Variants in METTL25 observed in about 807,000 individuals in gnomAD.
METTL25 encodes probable methyltransferase-like protein 25.
In METTL25, 64 loss-of-function variants were observed where a neutral mutation model predicts 71.6. The observed-to-expected ratio is 0.89, with a 90% CI of 0.73 to 1.10. METTL25 has a LOEUF of 1.10. Among genes scored for constraint, METTL25 ranks in the 50% least tolerant of loss-of-function variants. The probability of loss-of-function intolerance (pLI) is 0.00; values close to 1 mark genes in which losing one functional copy is unlikely to be tolerated. For missense variants in METTL25, 807 were observed against 707.0 expected, an observed-to-expected ratio of 1.14 and a Z score of -1.60; for synonymous variants, 287 against 250.3, an observed-to-expected ratio of 1.15 and a Z score of -1.38.
chr12:82,459,892 T>C (rs906846673), intron 9 of METTL25: 4 of 152,236 alleles, frequency 2.6e-5, no homozygotes, highest in Non-Finnish European at 4.4e-5. Context: ...ACAGTGATAC[T>C]AATCTTTGGA....
At chr12:82,470,759 T>C (rs2137301117) in intron 9 of METTL25, among the ~76,000 whole-genome samples, 1 of 152,322 alleles carries the variant, frequency 6.6e-6, no homozygotes, top group Non-Finnish European at 1.5e-5. Context: ...CTTTTTCATA[T>C]CTAATGAATT....
intron 1 of METTL25, among the ~76,000 whole-genome samples, chr12:82,371,076 T>G (rs2136856679): frequency 6.6e-6 from 1 of 152,352 alleles, no homozygotes; most frequent in South Asian, 2.1e-4. Context: ...AGTCTCCCAA[T>G]TACAACTGAG....
chr12:82,361,036 A>G (rs1026763169), intron 1 of METTL25, among the ~76,000 whole-genome samples: 5 of 152,262 alleles, frequency 3.3e-5, no homozygotes, highest in Admixed American at 3.3e-4. Flanking sequence ...CAAAGCTTCC[A>G]CAGGGTTGTC....
intron 1 of METTL25, among the ~76,000 whole-genome samples, chr12:82,360,723 C>T (rs1032596189): frequency 3.9e-5 from 6 of 152,084 alleles, no homozygotes; most frequent in Admixed American, 1.3e-4. Context: ...AATAGATTTC[C>T]ACTAGGGACT....
Position 82,479,138 on chromosome 12 carries a change from T to A in METTL25, c.*114T>A. 1.5e-6 allele frequency: 1 copy of A among 669,556 alleles called. No homozygotes were observed. The highest frequency in any genetic ancestry group is 2.1e-5 in the South Asian group (1 of 47,398). 41.5% of individuals were successfully genotyped at this position (669,556 alleles called of 1,614,324 possible). On this transcript the variant is annotated 3_prime_UTR_variant, in exon 12 of 12. Transcript: ENST00000248306. Reference sequence around the variant, plus strand: ...AAATTTTTAAATGACTGTTATGTATTTTAAATAATAAAATAATGGCTAACA... The same window carrying A: ...AAATTTTTAAATGACTGTTATGTATATTAAATAATAAAATAATGGCTAACA...
intron 5 of METTL25, among the ~76,000 whole-genome samples, chr12:82,403,494 A>G (rs1886821422): frequency 6.6e-6 from 1 of 152,218 alleles, no homozygotes; most frequent in South Asian, 2.1e-4. Flanking sequence ...TTGAATTTCA[A>G]AGTTTGCTTT....
At position 82,396,873 on chromosome 12, in the gene METTL25, C is replaced by T. The variant is rs76426795; in HGVS notation, c.532-1922C>T. The stretch of plus-strand genomic sequence containing the variant: ...TGTAGACTTTTCATTTCAGTTCTTC[C>T]ACTTAGCACATAGTATTTGAGAGCA... On this transcript the variant is annotated intron_variant, in intron 3 of 11. Coordinates refer to ENST00000248306, the MANE Select transcript of METTL25 (RefSeq NM_032230.3). 8.2e-4 allele frequency among the ~76,000 whole-genome samples: 125 copies of T among 152,196 alleles called. No homozygotes were observed. In the East Asian group the frequency reaches 0.023, roughly 28 times the overall value.
chr12:82,367,934 T>C (rs1028205679), intron 1 of METTL25, among the ~76,000 whole-genome samples: 2 of 152,228 alleles, frequency 1.3e-5, no homozygotes, highest in Non-Finnish European at 2.9e-5. Context: ...GCACTTTAGT[T>C]AAGCTTTTGC....
At chr12:82,476,114 T>C (rs1308326021) in intron 9 of METTL25, among the ~76,000 whole-genome samples, 1 of 151,980 alleles carries the variant, frequency 6.6e-6, no homozygotes, top group Non-Finnish European at 1.5e-5. Context: ...GCCTGCTAAA[T>C]ACAAGAGTTC....
intron 8 of METTL25, among the ~76,000 whole-genome samples, chr12:82,450,193 G>T (rs959072180): frequency 4.0e-5 from 6 of 150,356 alleles, no homozygotes; most frequent in African/African-American, 1.5e-4. Context: ...TTTTTTTTCT[G>T]TCTATACCTA....
intron 1 of METTL25, among the ~76,000 whole-genome samples, chr12:82,376,780 G>C (rs1206980214): frequency 6.6e-6 from 1 of 152,058 alleles, no homozygotes; most frequent in East Asian, 1.9e-4. Flanking sequence ...TTACTTTTTG[G>C]AGGGGGAGAG....
At chr12:82,444,738 G>T (rs1433282958) in intron 8 of METTL25, among the ~76,000 whole-genome samples, 1 of 151,930 alleles carries the variant, frequency 6.6e-6, no homozygotes, top group East Asian at 1.9e-4. Flanking sequence ...AGCATTGAAA[G>T]TAAATTGACA....
At chr12:82,441,697 A>AG (rs1420195080) in intron 8 of METTL25, among the ~76,000 whole-genome samples, 1 of 151,526 alleles carries the variant, frequency 6.6e-6, no homozygotes, top group African/African-American at 2.4e-5. Context: ...CAATAGGCAC[A>AG]GAAAAAAAAA....
intron 1 of METTL25, among the ~76,000 whole-genome samples, chr12:82,373,822 T>G (rs1409639832): frequency 1.3e-5 from 2 of 152,162 alleles, no homozygotes. Context: ...AGAGAGCTCT[T>G]TCCCAGAAAG....
chr12:82,432,317 T>G (rs114624668), intron 6 of METTL25, among the ~76,000 whole-genome samples: 167 of 151,782 alleles, frequency 1.1e-3, no homozygotes, highest in African/African-American at 3.4e-3. Context: ...TTCTGGAAAT[T>G]TGTCTTGTTC....
intron 6 of METTL25, 146 bp downstream of exon 6, chr12:82,431,133 G>A (rs1050574075): frequency 2.5e-5 from 11 of 441,100 alleles, no homozygotes; most frequent in Admixed American, 3.9e-5. Flanking sequence ...AGAAAAAAAT[G>A]ACTTGCCCTT....
rs1168001240 is a variant in METTL25 at position 82,474,029 on chromosome 12, A to G, written c.1573-2615A>G. Among the ~76,000 whole-genome samples the G allele has an allele frequency of 2.0e-5, 3 of 152,138 alleles. No homozygotes were observed. In the East Asian group the frequency reaches 5.8e-4, roughly 29 times the overall value. On this transcript the variant is annotated intron_variant, in intron 9 of 11. Coordinates refer to ENST00000248306, the MANE Select transcript of METTL25 (RefSeq NM_032230.3). ...TCTGTGCTGTAGAAGCTTGGCATAC[A>G]AGGCTAGGTGGGAGTGGGGAGTGCG...
intron 8 of METTL25, among the ~76,000 whole-genome samples, chr12:82,454,077 A>G (rs1236584469): frequency 1.3e-5 from 2 of 152,124 alleles, no homozygotes; most frequent in Non-Finnish European, 2.9e-5. Context: ...TGAAATTTAA[A>G]AGAGACAAAA....
intron 3 of METTL25, among the ~76,000 whole-genome samples, chr12:82,398,104 T>A (rs1473823870): frequency 6.6e-6 from 1 of 151,994 alleles, no homozygotes; most frequent in Non-Finnish European, 1.5e-5. Context: ...ATAGTATATC[T>A]CTTTATATCA....
Sources: allele counts gnomAD v4.1 joint callset (sites outside exome capture counted in the v4.1 genomes callset), GRCh38; gene constraint gnomAD v4.1.1; transcripts MANE v1.5; gene names NCBI Gene and HGNC (gene_info 2026-07-23, HGNC 2026-07-21).